ACAD10: variants seen among roughly 807,000 people sequenced by gnomAD.
The protein encoded by ACAD10 is ACAD-10.
In ACAD10, 112 loss-of-function variants were observed where a neutral mutation model predicts 116.8. That is an observed-to-expected ratio of 0.96 (90% CI 0.82 to 1.12). The LOEUF (loss-of-function observed/expected upper bound fraction) is 1.12, where lower values mean the gene tolerates loss of function less well. Among genes scored for constraint, ACAD10 ranks in the 50% most tolerant of loss-of-function variants. The pLI, the probability that ACAD10 is intolerant of heterozygous loss-of-function variation, is 0.00. For synonymous variants in ACAD10, 486 were observed against 510.6 expected, an observed-to-expected ratio of 0.95 and a Z score of 0.65; for missense variants, 1,259 against 1,350.2, an observed-to-expected ratio of 0.93 and a Z score of 1.06.
Position 111,756,860 on chromosome 12 carries a change from G to T in ACAD10, c.*387G>T. ...CCTCCCAAGGCTGTGGGACGTGCTT[G>T]CTCTGGCAGCTGCAGGGTTCCTGTC... On this transcript the variant is annotated 3_prime_UTR_variant, in exon 21 of 21. Transcript: ENST00000313698. 2.2e-6 allele frequency: 1 copy of T among 462,042 alleles called. No homozygotes were observed. The highest frequency in any genetic ancestry group is 4.3e-6 in the Non-Finnish European group (1 of 230,978). 28.6% of individuals were successfully genotyped at this position (462,042 alleles called of 1,614,324 possible).
chr12:111,753,665 G>T (rs746011357), intron 18 of ACAD10, 107 bp from the exon 19 acceptor site: 3 of 1,464,050 alleles, frequency 2.0e-6, no homozygotes, highest in South Asian at 1.2e-5. Flanking sequence ...CTCCTCCCCT[G>T]CCCTGTCCTG....
intron 18 of ACAD10, 22 bp downstream of exon 18, chr12:111,749,367 C>A: frequency 1.3e-6 from 2 of 1,596,040 alleles, no homozygotes; most frequent in Non-Finnish European, 1.7e-6. Flanking sequence ...CCCCCGCACC[C>A]AGCACTGACT....
Position 111,748,381 on chromosome 12 carries a change from A to G in ACAD10, c.2550A>G (p.Arg850=), listed in dbSNP as rs766830053. ...GAAAAACAGACCCACATGCACCAAGACACCGGCAGCAGTCTGTGCTCTTGG... is the reference window on the plus strand; with the variant it reads ...GAAAAACAGACCCACATGCACCAAGGCACCGGCAGCAGTCTGTGCTCTTGG... ...FMGKTDPHAP[R]HRQQSVLLVP... The change falls in exon 17 of 21, where the codon AGA becomes AGG. Residue 850 remains arginine (R), a synonymous_variant. Coordinates refer to ENST00000313698, the MANE Select transcript of ACAD10 (RefSeq NM_025247.6). The G allele has an allele frequency of 6.2e-7, 1 of 1,614,122 alleles. No homozygotes were observed. The highest frequency in any genetic ancestry group is 1.1e-5 in the South Asian group (1 of 91,082).
intron 8 of ACAD10, among the ~76,000 whole-genome samples, chr12:111,723,698 C>A (rs1481812750): frequency 6.7e-6 from 1 of 150,042 alleles, no homozygotes; most frequent in Admixed American, 6.6e-5. Context: ...CCCCCCCCAC[C>A]TCCCTCCCGG....
chr12:111,747,497 A>AT, intron 16 of ACAD10, 112 bp downstream of exon 16: 1 of 1,559,620 alleles, frequency 6.4e-7, no homozygotes, highest in Non-Finnish European at 8.7e-7. Context: ...CACAAAGGAG[A>AT]TTCTGTCACT....
intron 6 of ACAD10, 57 bp downstream of exon 6, chr12:111,712,714 G>A: frequency 6.4e-7 from 1 of 1,569,740 alleles, no homozygotes; most frequent in Non-Finnish European, 8.7e-7. Context: ...GTTTTGGTCT[G>A]TTTCTCACTT....
chr12:111,691,441 A>T (rs1888038636), intron 1 of ACAD10, among the ~76,000 whole-genome samples: 1 of 152,076 alleles, frequency 6.6e-6, no homozygotes, highest in Non-Finnish European at 1.5e-5. Context: ...GTAAACTGCA[A>T]CCCAAAGGAC....
rs941483600 is a variant in ACAD10 at position 111,728,060 on chromosome 12, T to C, written c.1160T>C (p.Ile387Thr). 6.2e-7 allele frequency: 1 copy of C among 1,614,106 alleles called. No individual in the cohort carries two copies. The highest frequency in any genetic ancestry group is 1.3e-5 in the African/African-American group (1 of 75,034). The change falls in exon 9 of 21, where the codon ATA becomes ACA. Residue 387 changes from isoleucine (I) to threonine (T), a missense_variant. Transcript: ENST00000313698. ...TTGGAGCCCAGCCACAGACGAGCCA[T>C]ATACACTGCCATGAACACAGTCCTG... is the stretch of plus-strand genomic sequence containing the variant. ...PGLEPSHRRAIYTAMNTVLCK... is the reference protein window; with the variant it reads ...PGLEPSHRRATYTAMNTVLCK...
intron 8 of ACAD10, among the ~76,000 whole-genome samples, chr12:111,727,753 G>T (rs1889260133): frequency 6.6e-6 from 1 of 152,096 alleles, no homozygotes; most frequent in Non-Finnish European, 1.5e-5. Context: ...GTGTGTGCAT[G>T]TATGTGGATC....
At chr12:111,736,507 A>G (rs1889569265) in intron 11 of ACAD10, among the ~76,000 whole-genome samples, 2 of 152,284 alleles carry the variant, frequency 1.3e-5, no homozygotes. Flanking sequence ...CGCTCTTTCC[A>G]TATCATTTTT....
chr12:111,706,126 C>T (rs1261296164), intron 4 of ACAD10, among the ~76,000 whole-genome samples, 194 bp downstream of exon 4: 1 of 152,186 alleles, frequency 6.6e-6, no homozygotes, highest in African/African-American at 2.4e-5. Context: ...CAAGGTCAGA[C>T]ATTTATGGCA....
chr12:111,725,052 T>G (rs1020138980), intron 8 of ACAD10, among the ~76,000 whole-genome samples: 1 of 152,228 alleles, frequency 6.6e-6, no homozygotes, highest in Non-Finnish European at 1.5e-5. Context: ...GAATACCTGT[T>G]TACACTTCAT....
Position 111,746,282 on chromosome 12 carries a change from G to A in ACAD10, c.2254G>A (p.Glu752Lys), listed in dbSNP as rs150349412. ...CATGGGCACGTCCCTGTATGCCCCCGAGGTACCTTCTTTAAAGTTTTCCTC... is the reference window on the plus strand; with the variant it reads ...CATGGGCACGTCCCTGTATGCCCCCAAGGTACCTTCTTTAAAGTTTTCCTC... ...ELMGTSLYAP[E>K]VCNCSAPDTG... The change falls in exon 14 of 21, where the codon GAG (glutamate) becomes AAG (lysine). Residue 752 changes from glutamate to lysine, a missense_variant and splice_region_variant. Glu to Lys is a moderately conservative substitution (Grantham distance 56). Coordinates refer to ENST00000313698, the MANE Select transcript of ACAD10 (RefSeq NM_025247.6). 2.0e-3 allele frequency: 3,272 copies of A among 1,610,240 alleles called. 5 individuals are homozygous for A. The highest frequency in any genetic ancestry group is 2.2e-3 in the Non-Finnish European group (2,541 of 1,178,884).
At chr12:111,686,655 G>T (rs1248134682) in intron 1 of ACAD10, among the ~76,000 whole-genome samples, 1 of 152,184 alleles carries the variant, frequency 6.6e-6, no homozygotes, top group African/African-American at 2.4e-5. Flanking sequence ...GGCGGAGGTT[G>T]CAGTGAGTCG....
intron 8 of ACAD10, among the ~76,000 whole-genome samples, chr12:111,722,399 A>T (rs201195340): frequency 2.7e-5 from 4 of 150,422 alleles, no homozygotes; most frequent in Admixed American, 1.3e-4. Context: ...TTATTTATTT[A>T]TTTTTTATTG....
intron 9 of ACAD10, 113 bp downstream of exon 9, chr12:111,728,256 G>C (rs1052188696): frequency 9.5e-7 from 1 of 1,051,304 alleles, no homozygotes; most frequent in Non-Finnish European, 1.3e-6. Context: ...GCGTAAGGCA[G>C]ACTTAGCTTC....
At chr12:111,725,542 C>CT (rs893149105) in intron 8 of ACAD10, among the ~76,000 whole-genome samples, 25 of 143,956 alleles carry the variant, frequency 1.7e-4, no homozygotes, top group Admixed American at 2.8e-4. Context: ...TCTTCTTCTT[C>CT]TTTTTTTTTT....
intron 18 of ACAD10, among the ~76,000 whole-genome samples, chr12:111,749,956 G>C (rs1225421336): frequency 6.6e-6 from 1 of 151,416 alleles, no homozygotes; most frequent in Non-Finnish European, 1.5e-5. Context: ...TGTATTTTTA[G>C]TAGAGACAGG....
intron 11 of ACAD10, among the ~76,000 whole-genome samples, chr12:111,736,379 C>T (rs777554063): frequency 1.3e-4 from 20 of 151,778 alleles, no homozygotes; most frequent in Non-Finnish European, 2.5e-4. Context: ...TTAGTAGAGA[C>T]AGGGTTTCAC....
Sources: allele counts gnomAD v4.1 joint callset (sites outside exome capture counted in the v4.1 genomes callset), GRCh38; gene constraint gnomAD v4.1.1; transcripts MANE v1.5; gene names NCBI Gene and HGNC (gene_info 2026-07-23, HGNC 2026-07-21).